The following ANKRD26 variants were observed in gnomAD, a reference collection of about 807,000 sequenced individuals.
The protein encoded by ANKRD26 is ankyrin repeat domain-containing protein 26.
ANKRD26 carries 141 observed loss-of-function variants against 208.7 expected under a neutral mutation model. That is an observed-to-expected ratio of 0.68 (90% confidence interval 0.59 to 0.78). The LOEUF (loss-of-function observed/expected upper bound fraction) is 0.78. ANKRD26 is among the 30% of genes least tolerant of loss of function. The probability of loss-of-function intolerance (pLI) is 0.00; values close to 1 mark genes in which losing one functional copy is unlikely to be tolerated. For synonymous variants in ANKRD26, 636 were observed against 660.4 expected (o/e 0.96, Z 0.57); for missense variants, 1,889 against 1,938.7 (o/e 0.97, Z 0.48).
At chr10:26,996,739 C>T (rs1277525272) in intron 4 of ANKRD26, among the ~76,000 whole-genome samples, 1 of 152,084 alleles carries the variant, frequency 6.6e-6, no homozygotes, top group African/African-American at 2.4e-5. Flanking sequence ...GAATATTTTT[C>T]CTGTGTCTGT....
chr10:27,033,198 G>C (rs1296330161), intron 25 of ANKRD26, 27 bp downstream of exon 25: 1 of 1,576,792 alleles, frequency 6.3e-7, no homozygotes, highest in African/African-American at 1.3e-5. Context: ...TAGATTAACT[G>C]TTTGACATGT....
At chr10:27,019,108 A>C (rs10829160) in intron 29 of ANKRD26, among the ~76,000 whole-genome samples, 2 of 151,706 alleles carry the variant, frequency 1.3e-5, no homozygotes, top group African/African-American at 4.8e-5. Flanking sequence ...GTGAAACCCC[A>C]TCTCTACTAA....
At chr10:27,080,311 A>AC (rs1420855047) in intron 6 of ANKRD26, 1 of 152,540 alleles carries the variant, frequency 6.6e-6, no homozygotes, top group Non-Finnish European at 1.5e-5. Context: ...CAACATGAAA[A>AC]CCACTTAAGG....
intron 29 of ANKRD26, 31 bp downstream of exon 29, chr10:27,022,526 CT>C: frequency 6.9e-6 from 10 of 1,449,660 alleles, no homozygotes; most frequent in Middle Eastern, 2.4e-4. Context: ...AATTAAGTGA[CT>C]TTTTTGGTCC....
chr10:27,084,127 C>T (rs1185253935), intron 5 of ANKRD26, among the ~76,000 whole-genome samples: 2 of 150,800 alleles, frequency 1.3e-5, no homozygotes, highest in Non-Finnish European at 2.9e-5. Context: ...GCAGGAGAAT[C>T]GCTTGAACCC....
intron 4 of ANKRD26, among the ~76,000 whole-genome samples, chr10:26,980,929 T>C (rs1360507230): frequency 6.6e-6 from 1 of 152,142 alleles, no homozygotes; most frequent in Non-Finnish European, 1.5e-5. Context: ...TCAGTTAGTA[T>C]CTCTAAGTTG....
At chr10:27,034,538 T>A (rs898535208) in intron 24 of ANKRD26, among the ~76,000 whole-genome samples, 1 of 152,182 alleles carries the variant, frequency 6.6e-6, no homozygotes, top group Admixed American at 6.5e-5. Context: ...AAAGACTACA[T>A]TATTCACATT....
chr10:26,958,093 T>TATATATATATATATATATATATATA, the ANKRD26 span, among the ~76,000 whole-genome samples: 1 of 108,422 alleles, frequency 9.2e-6, no homozygotes, highest in Non-Finnish European at 2.2e-5. Context: ...ATATATATAT[T>TATATATATATATATATATATATATA]TATTTTTGAG....
chr10:27,026,958 G>T (rs2135089982), intron 27 of ANKRD26, among the ~76,000 whole-genome samples: 1 of 152,172 alleles, frequency 6.6e-6, no homozygotes, highest in East Asian at 1.9e-4. Context: ...GCTAATTTTT[G>T]TATTTACAGT....
chr10:26,958,993 G>A, the ANKRD26 span, among the ~76,000 whole-genome samples: 1 of 152,156 alleles, frequency 6.6e-6, no homozygotes, highest in Non-Finnish European at 1.5e-5. Flanking sequence ...TAGGCATTCT[G>A]ATTGGCATGA....
At chr10:27,030,137 A>G (rs888216016) in intron 25 of ANKRD26, among the ~76,000 whole-genome samples, 7 of 152,216 alleles carry the variant, frequency 4.6e-5, no homozygotes, top group Non-Finnish European at 1.0e-4. Context: ...ATAAAATTGT[A>G]TATTTTAGGC....
intron 5 of ANKRD26, among the ~76,000 whole-genome samples, chr10:26,979,530 T>C (rs1475276263): frequency 6.6e-6 from 1 of 152,186 alleles, no homozygotes; most frequent in African/African-American, 2.4e-5. Context: ...ATAGTTTTCT[T>C]AGACACACCC....
At chr10:27,069,750 C>T (rs998569942) in intron 9 of ANKRD26, among the ~76,000 whole-genome samples, 3 of 151,942 alleles carry the variant, frequency 2.0e-5, no homozygotes, top group Non-Finnish European at 2.9e-5. Context: ...TGAACCTACA[C>T]AGAACTCTGA....
At chr10:27,020,169 T>C (rs189320826) in intron 29 of ANKRD26, among the ~76,000 whole-genome samples, 4 of 152,342 alleles carry the variant, frequency 2.6e-5, no homozygotes, top group Admixed American at 2.6e-4. Flanking sequence ...TTTTCTCCTT[T>C]TTAGTTGACA....
rs2052832628 is a variant in ANKRD26, at chr10:27,005,315, C to T, written c.*275G>A. ...ATACAAATAAGCCATCAATTAACTG[C>T]ACTAAAGTATTAATGACAACTTAGT... On this transcript the variant is annotated 3_prime_UTR_variant, in exon 34 of 34. Coordinates refer to ENST00000376087, the MANE Select transcript of ANKRD26 (RefSeq NM_014915.3). The T allele has an allele frequency of 2.7e-6, 3 of 1,124,400 alleles. No homozygotes were observed. The South Asian group carries it at 7.5e-5, about 28-fold the overall frequency. 69.7% of individuals were successfully genotyped at this position (1,124,400 alleles called of 1,614,324 possible).
chr10:27,100,461 T>A lies in ANKRD26; in HGVS notation c.-135A>T. The A allele has an allele frequency of 7.5e-7, 1 of 1,331,854 alleles. No homozygotes were observed. Among genetic ancestry groups the A allele is most frequent in the Non-Finnish European group, 1.0e-6 (1 of 988,762 alleles). 82.5% of individuals were successfully genotyped at this position (1,331,854 alleles called of 1,614,324 possible). On this transcript the variant is annotated 5_prime_UTR_variant, in exon 1 of 34. Coordinates refer to ENST00000376087, the MANE Select transcript of ANKRD26 (RefSeq NM_014915.3). ...AACTCCGCGGTTTCCAATCTCTCCC[T>A]CCGGGTTACCAAGCAAGCGATCCCG...
intron 20 of ANKRD26, among the ~76,000 whole-genome samples, chr10:27,042,583 C>G (rs2054284190): frequency 6.6e-6 from 1 of 152,018 alleles, no homozygotes; most frequent in Non-Finnish European, 1.5e-5. Flanking sequence ...GAAACCCTGT[C>G]TCTACTAAAA....
chr10:27,086,596 T>G lies in ANKRD26; in HGVS notation c.652A>C (p.Ile218Leu). 6.2e-7 allele frequency: 1 copy of G among 1,604,560 alleles called. No individual in the cohort carries two copies. The highest frequency in any genetic ancestry group is 8.5e-7 in the Non-Finnish European group (1 of 1,174,306). ...VDKLESSHQL[I>L]SEYKEERIPK... ...ATCCTTTCTTCTTTATATTCTGAAA[T>G]TAGTTGGTGACTGCTATGTATAGAA... The change falls in exon 5 of 34, where the codon ATT becomes CTT. Residue 218 changes from isoleucine (I) to leucine (L), a missense_variant. By Grantham distance (5) the Ile-to-Leu change is conservative (BLOSUM62 2). Around this residue, in one of 3 missense-constraint regions of ANKRD26, gnomAD observed 1,272 missense variants for 1,273.8 expected, o/e 1.00. Transcript: ENST00000376087.
intron 5 of ANKRD26, among the ~76,000 whole-genome samples, chr10:26,977,916 C>A (rs897789514): frequency 2.0e-5 from 3 of 151,956 alleles, no homozygotes; most frequent in Non-Finnish European, 4.4e-5. Flanking sequence ...TGAGAGGAGA[C>A]CAAAAACAAA....
Sources: allele counts gnomAD v4.1 joint callset (sites outside exome capture counted in the v4.1 genomes callset), GRCh38; gene constraint gnomAD v4.1.1; regional missense constraint gnomAD v4.1.1; transcripts MANE v1.5; gene names NCBI Gene and HGNC (gene_info 2026-07-23, HGNC 2026-07-21).